COL4A5: variants seen among roughly 807,000 people sequenced by gnomAD.
COL4A5 encodes the protein collagen alpha-5(IV) chain.
COL4A5 carries 26 observed loss-of-function variants against 130.2 expected under a neutral mutation model. The observed-to-expected ratio is 0.20, with a 90% CI of 0.15 to 0.28. The LOEUF (loss-of-function observed/expected upper bound fraction) is 0.28. Ranked by LOEUF, COL4A5 falls within the 10% of genes least tolerant of loss-of-function variation. The pLI is 1.00. For missense variants in COL4A5, 1,131 were observed against 1,344.3 expected (o/e 0.84, Z 2.48); for synonymous variants, 496 against 439.6 (o/e 1.13, Z -1.60).
At chrX:108,494,677 A>G in intron 1 of COL4A5, among the ~76,000 whole-genome samples, 1 of 111,148 alleles carries the variant, frequency 9.0e-6, no homozygotes, top group Non-Finnish European at 1.9e-5. Context: ...TGAATGTTCA[A>G]ACACTGAGTC....
chrX:108,613,999 C>T (rs1028121574), intron 29 of COL4A5, among the ~76,000 whole-genome samples: 3 of 111,717 alleles, frequency 2.7e-5, no homozygotes, highest in African/African-American at 9.8e-5. Context: ...AATTCATAAT[C>T]ACCAATAATT....
chrX:108,667,780 A>T (rs1377589468), intron 40 of COL4A5, among the ~76,000 whole-genome samples: 1 of 110,978 alleles, frequency 9.0e-6, no homozygotes, highest in Non-Finnish European at 1.9e-5. Flanking sequence ...ACCAACATGG[A>T]AATTATTACT....
chrX:108,453,772 C>G (rs1054269012), intron 1 of COL4A5, among the ~76,000 whole-genome samples: 1 of 111,712 alleles, frequency 9.0e-6, no homozygotes, highest in Non-Finnish European at 1.9e-5. Context: ...ATCTTATTCT[C>G]GTCCTCTCTC....
At chrX:108,670,325 T>C in intron 42 of COL4A5, 89 bp downstream of exon 42, 6 of 1,185,445 alleles carry the variant, frequency 5.1e-6, no homozygotes, top group Non-Finnish European at 6.8e-6. Flanking sequence ...GAATGTATTT[T>C]AAGAGCATAT....
intron 1 of COL4A5, among the ~76,000 whole-genome samples, chrX:108,535,911 TTTC>T (rs1425256685): frequency 1.8e-5 from 2 of 110,635 alleles, no homozygotes; most frequent in African/African-American, 6.6e-5. Flanking sequence ...TATTGGAATA[TTTC>T]TTATTTCTCT....
intron 1 of COL4A5, among the ~76,000 whole-genome samples, chrX:108,451,243 A>G (rs1481261127): frequency 2.7e-5 from 3 of 110,364 alleles, no homozygotes; most frequent in African/African-American, 6.6e-5. Context: ...CCAGTCTATC[A>G]TTGTTGGACA....
chrX:108,589,009 G>T (rs1350902313), intron 19 of COL4A5, among the ~76,000 whole-genome samples: 1 of 111,396 alleles, frequency 9.0e-6, no homozygotes, highest in Non-Finnish European at 1.9e-5. Context: ...TGAGAATAGC[G>T]GTAGGATGCA....
chrX:108,531,695 A>G (rs2065387863), intron 1 of COL4A5, among the ~76,000 whole-genome samples: 1 of 111,278 alleles, frequency 9.0e-6, no homozygotes, highest in African/African-American at 3.3e-5. Flanking sequence ...CAAAATTTGT[A>G]AACTGCTAGC....
chrX:108,571,305 T>A (rs1199362643), intron 6 of COL4A5, 108 bp from the exon 7 acceptor site: 1 of 582,698 alleles, frequency 1.7e-6, no homozygotes. Context: ...CAATCTGGCA[T>A]GTTTCAAAAT....
intron 1 of COL4A5, among the ~76,000 whole-genome samples, chrX:108,519,975 C>T (rs1272178305): frequency 8.9e-6 from 1 of 111,771 alleles, no homozygotes; most frequent in African/African-American, 3.2e-5. Flanking sequence ...AATCATATCA[C>T]CTGTGAATAA....
rs200482832 is a variant in COL4A5 at position 108,622,840 on chromosome X, T to G, written c.2917+15T>G. ...TGGCTTACCAGGTGAGTGAATGAAT[T>G]TATTTATGAATATTTTTCCTGATAT... On this transcript the variant is annotated intron_variant, in intron 33 of 52. Transcript: ENST00000328300. The G allele has an allele frequency of 3.4e-6, 4 of 1,193,479 alleles. No individual in the cohort carries two copies. The highest frequency in any genetic ancestry group is 4.5e-6 in the Non-Finnish European group (4 of 884,563).
intron 23 of COL4A5, 122 bp from the exon 24 acceptor site, chrX:108,597,255 G>T: frequency 2.5e-6 from 2 of 808,532 alleles, no homozygotes; most frequent in Non-Finnish European, 3.6e-6. Flanking sequence ...TACATTAAAT[G>T]TTATTGGATG....
At chrX:108,440,823 C>G (rs1188790521) in intron 1 of COL4A5, among the ~76,000 whole-genome samples, 2 of 111,935 alleles carry the variant, frequency 1.8e-5, no homozygotes, top group African/African-American at 6.5e-5. Context: ...GGTAAAGTCT[C>G]AGGCTTCAGG....
chrX:108,574,629 T>C (rs1433735684), intron 9 of COL4A5, among the ~76,000 whole-genome samples: 1 of 112,080 alleles, frequency 8.9e-6, no homozygotes, highest in African/African-American at 3.2e-5. Context: ...AATAATGTAA[T>C]ATTTATGTAG....
chrX:108,541,106 T>G (rs2065533372), intron 2 of COL4A5, among the ~76,000 whole-genome samples: 1 of 112,122 alleles, frequency 8.9e-6, no homozygotes, highest in African/African-American at 3.2e-5. Context: ...GAAACCTATT[T>G]GTTTGTTTTG....
chrX:108,454,996 G>A (rs2064570379), intron 1 of COL4A5, among the ~76,000 whole-genome samples: 1 of 111,569 alleles, frequency 9.0e-6, no homozygotes, highest in Non-Finnish European at 1.9e-5. Context: ...TTTGAGTTGT[G>A]ACATATGTAT....
At chrX:108,690,049 A>T (rs1383435642) in intron 49 of COL4A5, 1 of 745,400 alleles carries the variant, frequency 1.3e-6, no homozygotes. Flanking sequence ...TCTGTCCCAA[A>T]TTAGGCAGTA....
At chrX:108,669,693 C>A (rs769689853) in intron 41 of COL4A5, among the ~76,000 whole-genome samples, 1 of 112,061 alleles carries the variant, frequency 8.9e-6, no homozygotes, top group Non-Finnish European at 1.9e-5. Context: ...TTTTAATCAT[C>A]ACTGTGGTTA....
At chrX:108,541,706 T>A (rs764743716) in intron 2 of COL4A5, among the ~76,000 whole-genome samples, 4 of 112,487 alleles carry the variant, frequency 3.6e-5, no homozygotes, top group South Asian at 7.4e-4. Flanking sequence ...AGAGGAAGGT[T>A]CATACAACCC....
Sources: gnomAD v4.1 joint callset for allele counts (sites outside exome capture counted in the v4.1 genomes callset) on GRCh38, gnomAD v4.1.1 for gene constraint, MANE v1.5 for transcripts, NCBI Gene and HGNC (gene_info 2026-07-23, HGNC 2026-07-21) for gene names.